Variants in PRDX6 observed in about 807,000 individuals in gnomAD.
PRDX6 encodes peroxiredoxin-6.
PRDX6 carries 13 observed loss-of-function variants against 20.0 expected under a neutral mutation model. The observed-to-expected ratio is 0.65, with a 90% CI of 0.42 to 1.03. The LOEUF (loss-of-function observed/expected upper bound fraction) is 1.03, where lower values mean the gene tolerates loss of function less well. PRDX6 is among the 50% of genes least tolerant of loss of function. PRDX6 has a pLI of 0.00. For synonymous variants in PRDX6, 85 were observed against 100.8 expected (o/e 0.84, Z 0.94); for missense variants, 203 against 276.9 (o/e 0.73, Z 1.89).
chr1:173,481,267 C>A, intron 1 of PRDX6, 59 bp from the exon 2 acceptor site: 1 of 1,481,742 alleles, frequency 6.7e-7, no homozygotes, highest in Non-Finnish European at 9.3e-7. Flanking sequence ...ACTTTTCATT[C>A]TCTGTGATGT....
chr1:173,481,709 C>G (rs887084633), intron 2 of PRDX6: 3 of 492,300 alleles, frequency 6.1e-6, no homozygotes, highest in African/African-American at 5.9e-5. Flanking sequence ...CAGCTGATCA[C>G]TGTACCTCCT....
intron 3 of PRDX6, among the ~76,000 whole-genome samples, 166 bp from the exon 4 acceptor site, chr1:173,486,089 A>G (rs2101859704): frequency 6.6e-6 from 1 of 152,382 alleles, no homozygotes; most frequent in East Asian, 1.9e-4. Context: ...GAAGAAAATT[A>G]TCTGTATTCC....
chr1:173,486,464 A>G (rs1571398332), intron 4 of PRDX6, 63 bp downstream of exon 4: 1 of 1,517,216 alleles, frequency 6.6e-7, no homozygotes, highest in South Asian at 1.3e-5. Flanking sequence ...TAAATGGCCA[A>G]CTTCAAGGTC....
At chr1:173,486,579 T>G (rs1057424984) in intron 4 of PRDX6, among the ~76,000 whole-genome samples, 178 bp downstream of exon 4, 1 of 152,214 alleles carries the variant, frequency 6.6e-6, no homozygotes, top group African/African-American at 2.4e-5. Flanking sequence ...TAACACCTTT[T>G]ATACACAACA....
intron 4 of PRDX6, among the ~76,000 whole-genome samples, chr1:173,486,784 C>T (rs1022444343): frequency 6.6e-6 from 1 of 152,194 alleles, no homozygotes; most frequent in Non-Finnish European, 1.5e-5. Context: ...GTATTAATGT[C>T]ATTAAGTATT....
intron 4 of PRDX6, 82 bp downstream of exon 4, chr1:173,486,483 C>G: frequency 1.4e-6 from 2 of 1,412,486 alleles, no homozygotes. Context: ...TCTGTGTTAC[C>G]TGTTTCTAGC....
At position 173,485,693 on chromosome 1, in the gene PRDX6, A is replaced by C. The variant is rs546995284; in HGVS notation, c.399+186A>C. On this transcript the variant is annotated intron_variant, in intron 3 of 4. Transcript: ENST00000340385. The stretch of plus-strand genomic sequence containing the variant: ...TTCAGCTAAATTTTCCAACTGCTTT[A>C]TTCATAGTTCATGGAAATCTACAAA... Among the ~76,000 whole-genome samples, 3 of 152,316 alleles carry C rather than the reference A, an allele frequency of 2.0e-5. No homozygotes were observed. The South Asian group carries it at 6.2e-4, about 32-fold the overall frequency.
At chr1:173,486,220 A>T (rs778710660) in intron 3 of PRDX6, 35 bp from the exon 4 acceptor site, 1 of 1,543,092 alleles carries the variant, frequency 6.5e-7, no homozygotes, top group South Asian at 1.2e-5. Context: ...ACACTCAAAG[A>T]ACTCTTCCTA....
chr1:173,485,486 C>T lies in PRDX6; in HGVS notation c.378C>T (p.Gly126=). 6.2e-7 allele frequency: 1 copy of T among 1,604,332 alleles called. No homozygotes were observed. Among genetic ancestry groups the T allele is most frequent in the Non-Finnish European group, 8.5e-7 (1 of 1,174,592 alleles). Residue 126 remains glycine, a synonymous_variant, in exon 3 of 5, where the codon GGC becomes GGT. Coordinates refer to ENST00000340385, the MANE Select transcript of PRDX6 (RefSeq NM_004905.3). ...MLDPAEKDEK[G]MPVTARVVFV... Reference sequence around the variant, plus strand: ...ATCCAGCAGAGAAGGATGAAAAGGGCATGCCTGTGACAGCTCGTGTGGTAG... The same window carrying T: ...ATCCAGCAGAGAAGGATGAAAAGGGTATGCCTGTGACAGCTCGTGTGGTAG...
In PRDX6 at chr1:173,488,748, T is replaced by A. The variant is rs1474141874; in HGVS notation, c.*885T>A. On this transcript the variant is annotated 3_prime_UTR_variant, in exon 5 of 5. Transcript: ENST00000340385. Reference sequence around the variant, plus strand: ...AGTATAGAACTCTTCTTGCAGTGGGTTGCTATTTTCTAGATTTTACTTTTT... The same window carrying A: ...AGTATAGAACTCTTCTTGCAGTGGGATGCTATTTTCTAGATTTTACTTTTT... The A allele has an allele frequency of 6.6e-6, 1 of 152,182 alleles. No homozygotes were observed. Among genetic ancestry groups the A allele is most frequent in the Non-Finnish European group, 1.5e-5 (1 of 68,040 alleles). The allele number at this position is 152,182 out of a possible 1,614,324, so 9.4% of individuals were successfully genotyped here.
rs770584999 is a variant in PRDX6 at position 173,477,435 on chromosome 1, A to G, written c.38A>G (p.Asn13Ser). The stretch of plus-strand genomic sequence containing the variant: ...CTGCTTCTCGGGGACGTGGCTCCCA[A>G]CTTTGAGGCCAATACCACCGTCGGC... ...GGLLLGDVAP[N>S]FEANTTVGRI... Residue 13 changes from asparagine to serine, a missense_variant, in exon 1 of 5, where the codon AAC becomes AGC. Coordinates refer to ENST00000340385, the MANE Select transcript of PRDX6 (RefSeq NM_004905.3). 3 of 1,608,066 alleles carry G rather than the reference A, an allele frequency of 1.9e-6. No homozygotes were observed. The highest frequency in any genetic ancestry group is 2.5e-6 in the Non-Finnish European group (3 of 1,177,624).
intron 2 of PRDX6, among the ~76,000 whole-genome samples, chr1:173,484,137 ATTAGATATATAT>A (rs1259059268): frequency 0.015 from 1,542 of 100,200 alleles, 21 homozygotes; most frequent in Non-Finnish European, 0.022. Context: ...AAAAAAAAAA[ATTAGATATATAT>A]ATTTATATAT....
intron 1 of PRDX6, among the ~76,000 whole-genome samples, 189 bp downstream of exon 1, chr1:173,477,681 G>T (rs1385109916): frequency 6.6e-6 from 1 of 152,232 alleles, no homozygotes; most frequent in Non-Finnish European, 1.5e-5. Context: ...GCTGCTGGGA[G>T]CTGGCACCCG....
At chr1:173,487,696 A>G (rs533170949) in intron 4 of PRDX6, 39 bp from the exon 5 acceptor site, 8 of 1,610,370 alleles carry the variant, frequency 5.0e-6, no homozygotes, top group African/African-American at 1.3e-5. Flanking sequence ...AAGCTTCACT[A>G]TGAGATTGAA....
rs138570887 is a variant in PRDX6, at chr1:173,486,952, GT to G, written c.546+558del. On this transcript the variant is annotated intron_variant, in intron 4 of 4. Transcript: ENST00000340385. ...TAACCTGAATAGCAGGTTTTGTTTTGTTTTTTTCTGACAGACAAATCACTTA... is the reference window on the plus strand; with the variant it reads ...TAACCTGAATAGCAGGTTTTGTTTTGTTTTTTCTGACAGACAAATCACTTA... 9.1e-3 allele frequency among the ~76,000 whole-genome samples: 1,380 copies of G among 152,108 alleles called. 17 individuals are homozygous for G. Among genetic ancestry groups the G allele is most frequent in the African/African-American group, 0.03 (1,263 of 41,512 alleles).
chr1:173,484,593 A>G (rs1354926097), intron 2 of PRDX6, among the ~76,000 whole-genome samples: 1 of 152,194 alleles, frequency 6.6e-6, no homozygotes, highest in East Asian at 1.9e-4. Flanking sequence ...ATCAAATAAC[A>G]AAACTAGATT....
rs751080011 is a variant in PRDX6, at chr1:173,481,471, G to T, written c.241G>T (p.Ala81Ser). 1 of 1,614,064 alleles carries T rather than the reference G, an allele frequency of 6.2e-7. No homozygotes were observed. Residue 81 changes from alanine (A) to serine (S), a missense_variant, in exon 2 of 5, where the codon GCC (alanine) becomes TCC (serine). Physicochemically the swap from Ala to Ser is moderately conservative, Grantham distance 99 (BLOSUM62 1). Transcript: ENST00000340385. ...AATAGACAGTGTTGAGGACCATCTT[G>T]CCTGGAGCAAGGTTAGTATCAATTG... The part of the protein sequence containing the change: ...LSIDSVEDHL[A>S]WSKDINAYNC...
intron 3 of PRDX6, 84 bp from the exon 4 acceptor site, chr1:173,486,171 A>G: frequency 1.6e-6 from 2 of 1,227,234 alleles, no homozygotes; most frequent in Non-Finnish European, 2.2e-6. Context: ...ACCCTTGAAC[A>G]TTATTAATGA....
In PRDX6 at chr1:173,485,390, C is replaced by T. The variant is rs779663146; in HGVS notation, c.282C>T (p.Pro94=). Residue 94 remains proline (P), a synonymous_variant, in exon 3 of 5, where the codon CCC becomes CCT. Transcript: ENST00000340385. ...TCAATGCTTACAATTGTGAAGAGCC[C>T]ACAGAAAAGTTACCTTTTCCCATCA... is the stretch of plus-strand genomic sequence containing the variant. ...KDINAYNCEE[P]TEKLPFPIID... 1.9e-6 allele frequency: 3 copies of T among 1,604,158 alleles called. No individual in the cohort carries two copies. The South Asian group carries it at 3.4e-5, about 18-fold the overall frequency.
Sources: allele counts gnomAD v4.1 joint callset (sites outside exome capture counted in the v4.1 genomes callset), GRCh38; gene constraint gnomAD v4.1.1; transcripts MANE v1.5; gene names NCBI Gene and HGNC (gene_info 2026-07-23, HGNC 2026-07-21).